Variants in KCP observed in about 807,000 individuals in gnomAD.
KCP encodes kielin cysteine rich BMP regulator.
In KCP, 194 loss-of-function variants were observed where a neutral mutation model predicts 212.7. The ratio of observed to expected loss-of-function variants is 0.91; its 90% CI spans 0.81 to 1.03. The LOEUF (loss-of-function observed/expected upper bound fraction) is 1.03. KCP is among the 50% of genes least tolerant of loss of function. KCP has a pLI of 0.00. For missense variants in KCP, 2,080 were observed against 2,162.5 expected, an observed-to-expected ratio of 0.96 and a Z score of 0.76; for synonymous variants, 833 against 865.3, an observed-to-expected ratio of 0.96 and a Z score of 0.65.
rs893581744 is a variant in KCP at position 128,881,188 on chromosome 7, G to C, written c.3425-103C>G. The C allele has an allele frequency of 7.0e-5, 28 of 398,766 alleles. No homozygotes were observed. In the East Asian group the frequency reaches 1.0e-3, roughly 14 times the overall value. 24.7% of individuals were successfully genotyped at this position (398,766 alleles called of 1,614,324 possible). A position where few individuals can be genotyped will look rare whatever the true frequency, so the allele number is the denominator to read the frequency against. On this transcript the variant is annotated intron_variant, in intron 31 of 39. Coordinates refer to ENST00000610776, the MANE Select transcript of KCP (RefSeq NM_001366122.1). ...CACGGCAGGAAAGCACCCACTCCGT[G>C]TCCCTACCACCCTGATGGTGTTGAT... is the stretch of plus-strand genomic sequence containing the variant.
chr7:128,894,173 A>G, intron 9 of KCP, 27 bp downstream of exon 9: 1 of 1,512,108 alleles, frequency 6.6e-7, no homozygotes, highest in Non-Finnish European at 8.9e-7. Context: ...CACCATGGTC[A>G]GGCCTCTGCC....
chr7:128,892,893 AG>A lies in KCP; in HGVS notation c.1395del (p.Cys466AlafsTer48). 1.3e-6 allele frequency: 2 copies of A among 1,541,762 alleles called. No homozygotes were observed. Among genetic ancestry groups the A allele is most frequent in the Non-Finnish European group, 1.8e-6 (2 of 1,138,462 alleles). On this transcript the variant is annotated frameshift_variant, in exon 14 of 40. Transcript: ENST00000610776. LOFTEE classifies it high-confidence loss of function. ...KCGAVLCPPAPCQHPTQPPGA... is the reference protein window; with the variant it reads ...KCGAVLCPPAXCQHPTQPPGA... ...CCAGGGGGCTGGGTGGGGTGCTGGC[AG>A]GGGGCTGGGGGGCAGAGCACAGCCC...
intron 39 of KCP, 31 bp downstream of exon 39, chr7:128,877,453 C>T (rs374120437): frequency 1.5e-5 from 24 of 1,548,774 alleles, no homozygotes; most frequent in Non-Finnish European, 1.9e-5. Context: ...GCTGAGCCTC[C>T]CCCAACCTGC....
rs1795151691 is a variant in KCP at position 128,906,944 on chromosome 7, C to A, written c.486+157G>T. ...CCCAGTGTCCGTGGGCATTGAGCTCCTTTTCCTACTCGGAATCAACTGAAA... is the reference window on the plus strand; with the variant it reads ...CCCAGTGTCCGTGGGCATTGAGCTCATTTTCCTACTCGGAATCAACTGAAA... On this transcript the variant is annotated intron_variant, in intron 4 of 39. Transcript: ENST00000610776. 1.3e-5 allele frequency among the ~76,000 whole-genome samples: 2 copies of A among 152,188 alleles called. 1 individual carries two copies. Among genetic ancestry groups the A allele is most frequent in the Admixed American group, 1.3e-4 (2 of 15,290 alleles).
chr7:128,887,834 CACACACACAT>C (rs953312520), intron 22 of KCP, among the ~76,000 whole-genome samples: 2 of 150,436 alleles, frequency 1.3e-5, no homozygotes, highest in African/African-American at 4.9e-5. Flanking sequence ...TACACACACA[CACACACACAT>C]ACACACATAC....
rs1381601799 is a variant in KCP at position 128,877,720 on chromosome 7, C to A, written c.4382G>T (p.Gly1461Val). The A allele has an allele frequency of 1.3e-6, 2 of 1,551,084 alleles. No homozygotes were observed. The highest frequency in any genetic ancestry group is 3.9e-5 in the Admixed American group (2 of 51,008). The change falls in exon 39 of 40, where the codon GGT becomes GTT. Residue 1461 changes from glycine to valine, a missense_variant. Transcript: ENST00000610776. ...ATTGGCCTCACGCCTGGCACGGTAA[C>A]CTGCTGCCCGGCACGGATCCACCTC... ...GREVDPCRAA[G>V]YRARREANAR...
chr7:128,890,066 G>A (rs962991338), intron 21 of KCP: 1 of 463,600 alleles, frequency 2.2e-6, no homozygotes, highest in South Asian at 2.2e-5. Flanking sequence ...GGAACTACAA[G>A]AGGCACCACG....
intron 13 of KCP, 52 bp from the exon 14 acceptor site, chr7:128,893,073 T>A: frequency 1.1e-6 from 1 of 896,584 alleles, no homozygotes; most frequent in Non-Finnish European, 1.8e-6. Context: ...CACCCATCCC[T>A]GTCCTTCCCA....
chr7:128,888,321 C>G (rs1374498889), intron 22 of KCP, among the ~76,000 whole-genome samples: 1 of 132,832 alleles, frequency 7.5e-6, no homozygotes, highest in Non-Finnish European at 1.6e-5. Flanking sequence ...TACACCCACA[C>G]AGAGCAACAC....
chr7:128,889,760 A>C (rs1054343088), intron 21 of KCP, among the ~76,000 whole-genome samples: 1 of 152,136 alleles, frequency 6.6e-6, no homozygotes, highest in African/African-American at 2.4e-5. Context: ...AAGTGGCCAA[A>C]ATGGCCAAGA....
At chr7:128,882,205 A>C (rs921762593) in intron 29 of KCP, among the ~76,000 whole-genome samples, 189 bp from the exon 30 acceptor site, 14 of 152,186 alleles carry the variant, frequency 9.2e-5, no homozygotes, top group Non-Finnish European at 1.9e-4. Context: ...CACGTTTTAA[A>C]AGAAACTTTG....
chr7:128,908,568 C>G lies in KCP; in HGVS notation c.77G>C (p.Gly26Ala). Reference sequence around the variant, plus strand: ...AGGGGGCTCCCTGGGGACAGCCCCACCTGAAGGGCACAAGAATCCCATGTG... The same window carrying G: ...AGGGGGCTCCCTGGGGACAGCCCCAGCTGAAGGGCACAAGAATCCCATGTG... The part of the protein sequence containing the change: ...GALALAAGAE[G>A]GAVPREPPGQ... The change falls in exon 2 of 40, where the codon GGT (glycine) becomes GCT (alanine). Residue 26 changes from glycine (G) to alanine (A), a missense_variant and splice_region_variant. By Grantham distance (60) the Gly-to-Ala change is moderately conservative (BLOSUM62 0). Transcript: ENST00000610776. 1 of 1,549,784 alleles carries G rather than the reference C, an allele frequency of 6.5e-7. No individual in the cohort carries two copies. Among genetic ancestry groups the G allele is most frequent in the Non-Finnish European group, 8.7e-7 (1 of 1,145,830 alleles).
chr7:128,908,280 A>AAGAAAGAAAGAAAGAAAG, intron 2 of KCP, 146 bp downstream of exon 2: 1 of 571,920 alleles, frequency 1.7e-6, no homozygotes, highest in Non-Finnish European at 2.6e-6. Flanking sequence ...GAAAGAAAGA[A>AAGAAAGAAAGAAAGAAAG]AGAAAGAAAG....
chr7:128,892,638 G>C lies in KCP; in HGVS notation c.1528-31C>G, dbSNP rs1325633780. The C allele has an allele frequency of 9.0e-6, 14 of 1,550,818 alleles. No homozygotes were observed. The South Asian group carries it at 1.7e-4, about 18-fold the overall frequency. On this transcript the variant is annotated intron_variant, in intron 15 of 39. Transcript: ENST00000610776. ...AGAGAGCAGGGGAGAGAGCAATCGG[G>C]GCATGCCCAGGAGGGGCTCAGCAGG... is the stretch of plus-strand genomic sequence containing the variant.
At chr7:128,886,436 C>G in intron 26 of KCP, 28 bp downstream of exon 26, 3 of 1,521,894 alleles carry the variant, frequency 2.0e-6, no homozygotes, top group Non-Finnish European at 2.7e-6. Context: ...GGGGCTGAAG[C>G]AAGGGGTAGG....
rs1385043928 is a variant in KCP, at chr7:128,886,518, G to C, written c.2812C>G (p.Leu938Val). 2 of 1,550,910 alleles carry C rather than the reference G, an allele frequency of 1.3e-6. No individual in the cohort carries two copies. Among genetic ancestry groups the C allele is most frequent in the Middle Eastern group, 1.7e-4 (1 of 5,964 alleles). ...TCGGTGACCTGGAGCTTGCAGGGAA[G>C]GGGTGGGCACTGCAGCCGCACACAG... ...VSCVRLQCPP[L>V]PCKLQVTERG... Residue 938 changes from leucine (L) to valine (V), a missense_variant, in exon 26 of 40, where the codon CTT becomes GTT. By Grantham distance (32) the Leu-to-Val change is conservative. Coordinates refer to ENST00000610776, the MANE Select transcript of KCP (RefSeq NM_001366122.1).
rs376460991 is a variant in KCP, at chr7:128,892,655, C to T, written c.1527+33G>A. 9.3e-5 allele frequency: 145 copies of T among 1,551,198 alleles called. No individual in the cohort carries two copies. The African/African-American group carries it at 1.8e-3, about 20-fold the overall frequency. ...GCAATCGGGGCATGCCCAGGAGGGG[C>T]TCAGCAGGGCAGCAGCAAGGCTGGG... On this transcript the variant is annotated intron_variant, in intron 15 of 39. Coordinates refer to ENST00000610776, the MANE Select transcript of KCP (RefSeq NM_001366122.1).
intron 1 of KCP, among the ~76,000 whole-genome samples, chr7:128,909,982 C>T (rs1435492061): frequency 6.6e-6 from 1 of 152,210 alleles, no homozygotes; most frequent in African/African-American, 2.4e-5. Context: ...CCCGTGGGGC[C>T]TCATCCTGCT....
intron 21 of KCP, among the ~76,000 whole-genome samples, chr7:128,889,730 A>C (rs745978627): frequency 1.3e-5 from 2 of 152,200 alleles, no homozygotes; most frequent in Middle Eastern, 3.2e-3. Context: ...ATAGTAAATA[A>C]AATTACAGTT....
Sources: allele counts gnomAD v4.1 joint callset (sites outside exome capture counted in the v4.1 genomes callset), GRCh38; gene constraint gnomAD v4.1.1; transcripts MANE v1.5; gene names NCBI Gene and HGNC (gene_info 2026-07-23, HGNC 2026-07-21).